Variants in PRELID2 observed in about 807,000 individuals in gnomAD.
The protein encoded by PRELID2 is PRELI domain-containing protein 2.
In PRELID2, 25 loss-of-function variants were observed where a neutral mutation model predicts 28.4. The observed-to-expected ratio is 0.88, with a 90% CI of 0.64 to 1.23. The LOEUF (loss-of-function observed/expected upper bound fraction) is 1.23. PRELID2 is among the 50% of genes most tolerant of loss of function. PRELID2 has a pLI of 0.00. For synonymous variants in PRELID2, 76 were observed against 71.6 expected (o/e 1.06, Z -0.31); for missense variants, 201 against 214.4 (o/e 0.94, Z 0.39).
At chr5:145,560,762 G>T (rs1580977947) in intron 1 of PRELID2, among the ~76,000 whole-genome samples, 1 of 152,324 alleles carries the variant, frequency 6.6e-6, no homozygotes, top group African/African-American at 2.4e-5. Context: ...CAGAATCAAA[G>T]ACATGTATGT....
At chr5:145,276,178 C>A in the PRELID2 span, among the ~76,000 whole-genome samples, 2 of 152,078 alleles carry the variant, frequency 1.3e-5, no homozygotes, top group African/African-American at 2.4e-5. Context: ...TTTTTGATAA[C>A]GATGGAATTT....
the PRELID2 span, among the ~76,000 whole-genome samples, chr5:145,354,305 G>A: frequency 2.6e-5 from 4 of 152,072 alleles, no homozygotes; most frequent in African/African-American, 9.7e-5. Flanking sequence ...ACCATATTTT[G>A]TAAAATTTGG....
chr5:145,229,240 G>GT, the PRELID2 span: 13 of 775,724 alleles, frequency 1.7e-5, no homozygotes, highest in East Asian at 3.2e-4. Context: ...AAGGTCCCTG[G>GT]AGGGCTCCCT....
At chr5:145,440,669 A>G in the PRELID2 span, 1 of 152,120 alleles carries the variant, frequency 6.6e-6, no homozygotes, top group African/African-American at 2.4e-5. Context: ...CAGAATAATA[A>G]CAATTGCCAG....
intron 1 of PRELID2, among the ~76,000 whole-genome samples, chr5:145,662,069 T>C (rs1754505047): frequency 6.6e-6 from 1 of 151,972 alleles, no homozygotes; most frequent in South Asian, 2.1e-4. Context: ...CAATTTAATA[T>C]CTCGGGGTCC....
At chr5:145,380,560 T>A in the PRELID2 span, among the ~76,000 whole-genome samples, 1 of 152,234 alleles carries the variant, frequency 6.6e-6, no homozygotes, top group Non-Finnish European at 1.5e-5. Context: ...AATCAGCACT[T>A]CTGATTTTAC....
chr5:145,331,563 G>A, the PRELID2 span, among the ~76,000 whole-genome samples: 3 of 152,080 alleles, frequency 2.0e-5, no homozygotes, highest in Non-Finnish European at 4.4e-5. Context: ...TTGGTTTAAA[G>A]TCTGTTTTAT....
the PRELID2 span, among the ~76,000 whole-genome samples, chr5:145,236,133 T>C: frequency 6.6e-6 from 1 of 152,056 alleles, no homozygotes; most frequent in Non-Finnish European, 1.5e-5. Context: ...GCATAAATGG[T>C]TTATGCTGCC....
At position 145,733,334 on chromosome 5, in the gene PRELID2, C is replaced by T. The variant is rs538270818; in HGVS notation, n.70+31597G>A. 2.9e-3 allele frequency among the ~76,000 whole-genome samples: 436 copies of T among 152,246 alleles called. 4 individuals are homozygous for T. Among genetic ancestry groups the T allele is most frequent in the African/African-American group, 9.7e-3 (401 of 41,554 alleles). On this transcript the variant is annotated intron_variant and non_coding_transcript_variant, in intron 1 of 2. Transcript: ENST00000510259. ...GAAGAATCACCAACATAAATCCATT[C>T]TCTAGCCTCAGAAACAAAAGGGATG...
intron 1 of PRELID2, among the ~76,000 whole-genome samples, chr5:145,829,178 G>C (rs1755423334): frequency 6.6e-6 from 1 of 152,052 alleles, no homozygotes; most frequent in South Asian, 2.1e-4. Flanking sequence ...TTGGATTATA[G>C]GCATGAGCCA....
In PRELID2 at chr5:145,546,495, G is replaced by T. The variant is rs1187526650; in HGVS notation, n.71-73180C>A. Among the ~76,000 whole-genome samples the T allele has an allele frequency of 2.0e-5, 3 of 152,268 alleles. No homozygotes were observed. In the East Asian group the frequency reaches 5.8e-4, roughly 29 times the overall value. ...GTAAAAAGGGAAACAAGGCTATGTGGAAATTCATGAACCTGAAGTAAAATC... is the reference window on the plus strand; with the variant it reads ...GTAAAAAGGGAAACAAGGCTATGTGTAAATTCATGAACCTGAAGTAAAATC... On this transcript the variant is annotated intron_variant and non_coding_transcript_variant, in intron 1 of 2. Coordinates refer to the PRELID2 transcript ENST00000510259.
chr5:145,730,130 A>G (rs1561561488), intron 1 of PRELID2, among the ~76,000 whole-genome samples: 1 of 152,116 alleles, frequency 6.6e-6, no homozygotes, highest in Non-Finnish European at 1.5e-5. Flanking sequence ...GCGTCAGGGT[A>G]GCCTTCCACC....
At chr5:145,326,078 A>G in the PRELID2 span, among the ~76,000 whole-genome samples, 1 of 152,166 alleles carries the variant, frequency 6.6e-6, no homozygotes, top group Admixed American at 6.5e-5. Flanking sequence ...ACATGATCAT[A>G]GCTCACTGCA....
the PRELID2 span, among the ~76,000 whole-genome samples, chr5:145,274,188 CA>C: frequency 1.3e-4 from 20 of 152,190 alleles, no homozygotes; most frequent in South Asian, 4.1e-3. Flanking sequence ...AGATAAAGTA[CA>C]ATTATTGTTT....
chr5:145,560,408 A>G (rs894533723), intron 1 of PRELID2, among the ~76,000 whole-genome samples: 24 of 152,240 alleles, frequency 1.6e-4, no homozygotes, highest in African/African-American at 5.1e-4. Flanking sequence ...TTTGTTGAGT[A>G]TATGTTTGAA....
intron 5 of PRELID2, among the ~76,000 whole-genome samples, chr5:145,790,452 G>A (rs1303714985): frequency 6.6e-6 from 1 of 152,078 alleles, no homozygotes; most frequent in East Asian, 1.9e-4. Context: ...GTAGAGAGTA[G>A]AATGGTGGTT....
the PRELID2 span, among the ~76,000 whole-genome samples, chr5:145,407,152 G>A: frequency 6.6e-6 from 1 of 152,204 alleles, no homozygotes; most frequent in Non-Finnish European, 1.5e-5. Context: ...GTGCAGATAG[G>A]TATGGAAGGG....
the PRELID2 span, among the ~76,000 whole-genome samples, chr5:145,296,661 T>C: frequency 7.2e-5 from 11 of 152,188 alleles, no homozygotes; most frequent in East Asian, 1.3e-3. Context: ...TATGTGTGCA[T>C]GTGTCTATAT....
At chr5:145,430,714 G>A in the PRELID2 span, among the ~76,000 whole-genome samples, 11 of 152,158 alleles carry the variant, frequency 7.2e-5, no homozygotes, top group African/African-American at 2.7e-4. Context: ...TCCTCGCCCA[G>A]GACTCGTTTC....
Sources: gnomAD v4.1 joint callset for allele counts (sites outside exome capture counted in the v4.1 genomes callset) on GRCh38, gnomAD v4.1.1 for gene constraint, MANE v1.5 for transcripts, NCBI Gene and HGNC (gene_info 2026-07-23, HGNC 2026-07-21) for gene names.